DEPDC1B: variants seen among roughly 807,000 people sequenced by gnomAD.
DEPDC1B encodes DEP domain containing 1B, also known as DEP domain-containing protein 1B.
A neutral mutation model predicts 66.5 loss-of-function variants in DEPDC1B; 51 were observed. The ratio of observed to expected loss-of-function variants is 0.77; its 90% CI spans 0.61 to 0.97. The LOEUF (loss-of-function observed/expected upper bound fraction) is 0.97. Ranked by LOEUF, DEPDC1B falls within the 50% of genes least tolerant of loss-of-function variation. DEPDC1B has a pLI of 0.00. For synonymous variants in DEPDC1B, 226 were observed against 223.6 expected, an observed-to-expected ratio of 1.01 and a Z score of -0.10; for missense variants, 552 against 637.1, an observed-to-expected ratio of 0.87 and a Z score of 1.44.
intron 7 of DEPDC1B, among the ~76,000 whole-genome samples, chr5:60,617,708 T>G (rs1752594171): frequency 6.6e-6 from 1 of 152,206 alleles, no homozygotes; most frequent in Admixed American, 6.5e-5. Context: ...AACACCCCAC[T>G]GTCAACATTA....
intron 3 of DEPDC1B, 94 bp from the exon 4 acceptor site, chr5:60,645,713 G>T: frequency 7.6e-7 from 1 of 1,317,600 alleles, no homozygotes; most frequent in Non-Finnish European, 1.0e-6. Context: ...ATTTTTATGA[G>T]AAATGTCTTT....
At chr5:60,665,254 C>T (rs929223324) in intron 2 of DEPDC1B, among the ~76,000 whole-genome samples, 31 of 152,166 alleles carry the variant, frequency 2.0e-4, no homozygotes, top group African/African-American at 6.5e-4. Flanking sequence ...AAACCCTTCA[C>T]CAGACCTTTC....
intron 1 of DEPDC1B, among the ~76,000 whole-genome samples, chr5:60,699,452 A>AAAAAAC (rs1241262426): frequency 4.8e-5 from 3 of 62,890 alleles, no homozygotes; most frequent in East Asian, 1.6e-3. Flanking sequence ...AGAAAAAAAA[A>AAAAAAC]AAAAAAAAAA....
At position 60,700,094 on chromosome 5, in the gene DEPDC1B, G is replaced by A; in HGVS notation, c.-1C>T. On this transcript the variant is annotated 5_prime_UTR_variant, in exon 1 of 11. Coordinates refer to ENST00000265036, the MANE Select transcript of DEPDC1B (RefSeq NM_018369.3). ...CGGGCCCCACGATGCGATGCTCCAT[G>A]GCGCGTAGGCAGCAGCGGCCGCAGC... 6.4e-7 allele frequency: 1 copy of A among 1,553,170 alleles called. No individual in the cohort carries two copies. Among genetic ancestry groups the A allele is most frequent in the Middle Eastern group, 1.8e-4 (1 of 5,482 alleles).
chr5:60,631,390 G>T (rs1384911603), intron 7 of DEPDC1B, among the ~76,000 whole-genome samples: 1 of 152,224 alleles, frequency 6.6e-6, no homozygotes, highest in Admixed American at 6.5e-5. Flanking sequence ...AAATGAGGAA[G>T]ATTTCTTCTC....
At chr5:60,605,603 A>T in intron 8 of DEPDC1B, 87 bp downstream of exon 8, 2 of 1,434,238 alleles carry the variant, frequency 1.4e-6, no homozygotes, top group Non-Finnish European at 9.4e-7. Flanking sequence ...TCTGCTTTGT[A>T]CTTCCCTCTG....
chr5:60,603,846 TACACAC>T (rs1554050472), intron 8 of DEPDC1B, among the ~76,000 whole-genome samples: 1 of 134,386 alleles, frequency 7.4e-6, no homozygotes, highest in Non-Finnish European at 1.7e-5. Flanking sequence ...TATATATATA[TACACAC>T]ACATACACAC....
chr5:60,605,343 A>G (rs1244936107), intron 8 of DEPDC1B, among the ~76,000 whole-genome samples: 4 of 152,228 alleles, frequency 2.6e-5, no homozygotes, highest in African/African-American at 9.6e-5. Flanking sequence ...TTGGTATGGT[A>G]ATGAATCTGT....
At chr5:60,680,439 A>G (rs564025986) in intron 2 of DEPDC1B, among the ~76,000 whole-genome samples, 3 of 152,208 alleles carry the variant, frequency 2.0e-5, no homozygotes, top group Admixed American at 6.5e-5. Context: ...ACAAATTTAA[A>G]TGCATTCACA....
chr5:60,697,964 T>C (rs546918764), intron 1 of DEPDC1B, among the ~76,000 whole-genome samples: 24 of 152,152 alleles, frequency 1.6e-4, no homozygotes, highest in Non-Finnish European at 2.5e-4. Flanking sequence ...TCTGCATCCA[T>C]GAAAAGAAGT....
chr5:60,637,344 A>G (rs1753066536), intron 7 of DEPDC1B, among the ~76,000 whole-genome samples: 1 of 151,372 alleles, frequency 6.6e-6, no homozygotes, highest in Admixed American at 6.6e-5. Context: ...AGTGTGTAGC[A>G]CCTCCCCTAA....
At chr5:60,632,016 G>C (rs906931269) in intron 7 of DEPDC1B, among the ~76,000 whole-genome samples, 1 of 152,202 alleles carries the variant, frequency 6.6e-6, no homozygotes, top group African/African-American at 2.4e-5. Context: ...GATGTCCTGT[G>C]CTGATGAGGA....
rs778143900 is a variant in DEPDC1B at position 60,599,170 on chromosome 5, A to G, written c.1333T>C (p.Ser445Pro). 58 of 1,613,500 alleles carry G rather than the reference A, an allele frequency of 3.6e-5. No individual in the cohort carries two copies. The South Asian group carries it at 4.4e-4, about 12-fold the overall frequency. Residue 445 changes from serine (S) to proline (P), a missense_variant, in exon 10 of 11, where the codon TCA becomes CCA. By Grantham distance (74) the Ser-to-Pro change is moderately conservative. Coordinates refer to ENST00000265036, the MANE Select transcript of DEPDC1B (RefSeq NM_018369.3). ...GCCAGAGGTTCCTGAGAGCCATATG[A>G]TCTTTGATATTCAAATTCCTCTGGA... ...ISPEEFEYQR[S>P]YGSQEPLAAL... is the part of the protein sequence containing the mutation.
intron 7 of DEPDC1B, among the ~76,000 whole-genome samples, chr5:60,634,240 A>G (rs1292435378): frequency 6.6e-6 from 1 of 152,242 alleles, no homozygotes; most frequent in East Asian, 1.9e-4. Flanking sequence ...GAGGAAGCCA[A>G]AGAACCCACT....
At chr5:60,696,517 G>A (rs1375867978) in intron 1 of DEPDC1B, among the ~76,000 whole-genome samples, 1 of 151,972 alleles carries the variant, frequency 6.6e-6, no homozygotes, top group Admixed American at 6.6e-5. Context: ...TGCTCAGAAA[G>A]AAAAATAAGT....
intron 3 of DEPDC1B, 86 bp downstream of exon 3, chr5:60,647,312 A>C: frequency 6.8e-7 from 1 of 1,472,950 alleles, no homozygotes; most frequent in Non-Finnish European, 9.0e-7. Flanking sequence ...TATTGTTCAT[A>C]AAGGACCACA....
At chr5:60,614,192 C>T (rs1752484664) in intron 7 of DEPDC1B, among the ~76,000 whole-genome samples, 1 of 152,178 alleles carries the variant, frequency 6.6e-6, no homozygotes, top group South Asian at 2.1e-4. Context: ...CATGCGTTTC[C>T]CCATCTGAGC....
At position 60,666,071 on chromosome 5, in the gene DEPDC1B, G is replaced by C. The variant is rs113240930; in HGVS notation, c.315-18538C>G. ...TTGTTACAGCTCGAGCTGAGCTTTC[G>C]CTCGCCGTCCACCACTGTTGTTTGC... On this transcript the variant is annotated intron_variant, in intron 2 of 10. Coordinates refer to ENST00000265036, the MANE Select transcript of DEPDC1B (RefSeq NM_018369.3). Among the ~76,000 whole-genome samples the C allele has an allele frequency of 1.2e-3, 190 of 152,192 alleles. 2 individuals carry two copies. The highest frequency in any genetic ancestry group is 4.6e-3 in the African/African-American group (189 of 41,522).
At chr5:60,661,405 T>G (rs911149722) in intron 2 of DEPDC1B, among the ~76,000 whole-genome samples, 26 of 152,212 alleles carry the variant, frequency 1.7e-4, no homozygotes, top group African/African-American at 6.3e-4. Flanking sequence ...TCTAGGACTA[T>G]GCTCGTCGGA....
Sources: gnomAD v4.1 joint callset for allele counts (sites outside exome capture counted in the v4.1 genomes callset) on GRCh38, gnomAD v4.1.1 for gene constraint, MANE v1.5 for transcripts, NCBI Gene and HGNC (gene_info 2026-07-23, HGNC 2026-07-21) for gene names.